Variants in CHSY3 observed in about 807,000 individuals in gnomAD.
CHSY3 encodes the protein N-acetylgalactosaminyl-proteoglycan 3-beta-glucuronosyltransferase 3.
Under a neutral mutation model 67.2 loss-of-function variants are expected in CHSY3, and 35 were observed. The ratio of observed to expected loss-of-function variants is 0.52; its 90% CI spans 0.40 to 0.69. The LOEUF (loss-of-function observed/expected upper bound fraction) is 0.69. CHSY3 is among the 30% of genes least tolerant of loss of function. CHSY3 has a pLI of 0.00. For synonymous variants in CHSY3, 474 were observed against 434.7 expected, an observed-to-expected ratio of 1.09 and a Z score of -1.12; for missense variants, 1,069 against 1,138.5, an observed-to-expected ratio of 0.94 and a Z score of 0.88.
chr5:130,170,325 T>G (rs1769864840), intron 2 of CHSY3, among the ~76,000 whole-genome samples: 1 of 152,146 alleles, frequency 6.6e-6, no homozygotes, highest in Non-Finnish European at 1.5e-5. Flanking sequence ...TTCATTCTTT[T>G]TTATAATTGC....
chr5:130,011,132 G>A (rs1409089616), intron 2 of CHSY3, among the ~76,000 whole-genome samples: 3 of 152,082 alleles, frequency 2.0e-5, no homozygotes, highest in Non-Finnish European at 4.4e-5. Context: ...TCTGAAGCCA[G>A]TATCACTATG....
At chr5:130,158,989 C>T (rs937036635) in intron 2 of CHSY3, among the ~76,000 whole-genome samples, 10 of 151,832 alleles carry the variant, frequency 6.6e-5, no homozygotes, top group Admixed American at 6.6e-4. Flanking sequence ...TTTGTAGAGA[C>T]GCAGTTTCAC....
At chr5:129,946,728 G>C (rs1761865736) in intron 2 of CHSY3, among the ~76,000 whole-genome samples, 1 of 152,012 alleles carries the variant, frequency 6.6e-6, no homozygotes, top group African/African-American at 2.4e-5. Context: ...ATGTCCTCCA[G>C]GTTCATCCAT....
intron 2 of CHSY3, among the ~76,000 whole-genome samples, chr5:130,180,658 G>A (rs1431299397): frequency 6.6e-6 from 1 of 151,798 alleles, no homozygotes; most frequent in Admixed American, 6.6e-5. Flanking sequence ...TCCAAGACCA[G>A]CCTAGGCAAC....
chr5:130,050,251 A>G (rs1367387706), intron 2 of CHSY3, among the ~76,000 whole-genome samples: 1 of 152,098 alleles, frequency 6.6e-6, no homozygotes, highest in African/African-American at 2.4e-5. Context: ...CTTCTATCTC[A>G]CGTTAAAAGA....
intron 2 of CHSY3, among the ~76,000 whole-genome samples, chr5:130,036,344 T>G (rs541598434): frequency 6.6e-6 from 1 of 152,166 alleles, no homozygotes; most frequent in African/African-American, 2.4e-5. Context: ...TTTCCTAGTA[T>G]ATCTCTTCCA....
intron 2 of CHSY3, among the ~76,000 whole-genome samples, chr5:129,921,240 G>A (rs1437912849): frequency 6.6e-6 from 1 of 152,112 alleles, no homozygotes; most frequent in Non-Finnish European, 1.5e-5. Flanking sequence ...CCGTTATTAA[G>A]TAAAACATGT....
chr5:130,103,299 G>T (rs185972771), intron 2 of CHSY3, among the ~76,000 whole-genome samples: 1 of 151,918 alleles, frequency 6.6e-6, no homozygotes, highest in Non-Finnish European at 1.5e-5. Context: ...AGAAGTAAAG[G>T]GATCTGTGGA....
intron 2 of CHSY3, among the ~76,000 whole-genome samples, chr5:130,072,333 TGA>T (rs1766101882): frequency 6.6e-6 from 1 of 152,132 alleles, no homozygotes; most frequent in South Asian, 2.1e-4. Context: ...TTGTGTGATG[TGA>T]GAAAATATTT....
At chr5:130,146,840 C>A (rs1286214493) in intron 2 of CHSY3, among the ~76,000 whole-genome samples, 6 of 152,050 alleles carry the variant, frequency 3.9e-5, no homozygotes, top group Non-Finnish European at 8.8e-5. Context: ...TTTGCCCAGG[C>A]TGGAGTGCAA....
At chr5:130,086,449 T>A (rs951854625) in intron 2 of CHSY3, among the ~76,000 whole-genome samples, 1 of 152,088 alleles carries the variant, frequency 6.6e-6, no homozygotes, top group African/African-American at 2.4e-5. Flanking sequence ...CTTTTTTTGT[T>A]TTCCATTTGC....
chr5:130,181,442 C>T (rs1770240258), intron 2 of CHSY3, among the ~76,000 whole-genome samples: 1 of 152,088 alleles, frequency 6.6e-6, no homozygotes, highest in Admixed American at 6.6e-5. Context: ...GGGAAAATCT[C>T]TCTGATATCT....
chr5:130,055,280 A>T (rs1765493426), intron 2 of CHSY3, among the ~76,000 whole-genome samples: 1 of 41,158 alleles, frequency 2.4e-5, no homozygotes, highest in African/African-American at 9.0e-5. Context: ...TGCCCCTTGT[A>T]AAAAAAAAAA....
intron 2 of CHSY3, among the ~76,000 whole-genome samples, chr5:129,912,658 C>T (rs1760604948): frequency 1.3e-5 from 2 of 152,130 alleles, no homozygotes; most frequent in Admixed American, 6.5e-5. Context: ...TTAATGTGCT[C>T]ATATAGGCCA....
intron 2 of CHSY3, among the ~76,000 whole-genome samples, chr5:129,970,119 A>G (rs1164970914): frequency 1.3e-5 from 2 of 151,840 alleles, no homozygotes; most frequent in East Asian, 3.9e-4. Context: ...TTACTACTAC[A>G]TTTAATGTAG....
intron 2 of CHSY3, among the ~76,000 whole-genome samples, chr5:130,143,104 T>C (rs1473812066): frequency 6.6e-6 from 1 of 152,110 alleles, no homozygotes; most frequent in Non-Finnish European, 1.5e-5. Flanking sequence ...AAAAAATAAA[T>C]CCTTAATTAC....
At chr5:130,073,213 CT>C (rs1766142104) in intron 2 of CHSY3, among the ~76,000 whole-genome samples, 1 of 151,902 alleles carries the variant, frequency 6.6e-6, no homozygotes, top group South Asian at 2.1e-4. Context: ...TTGATTCAGT[CT>C]TTTTACAATG....
chr5:129,941,498 T>C (rs1288150512), intron 2 of CHSY3, among the ~76,000 whole-genome samples: 1 of 152,162 alleles, frequency 6.6e-6, no homozygotes, highest in Non-Finnish European at 1.5e-5. Context: ...TGTTTCTTGG[T>C]ATAAGTGGAA....
intron 2 of CHSY3, among the ~76,000 whole-genome samples, chr5:130,159,161 C>CTTTTTTTT (rs33919002): frequency 1.5e-4 from 15 of 98,698 alleles, no homozygotes; most frequent in Non-Finnish European, 1.8e-4. Context: ...TAAGATTTGT[C>CTTTTTTTT]TTTTTTTTTT....
Sources: gnomAD v4.1 joint callset for allele counts (sites outside exome capture counted in the v4.1 genomes callset) on GRCh38, gnomAD v4.1.1 for gene constraint, MANE v1.5 for transcripts, NCBI Gene and HGNC (gene_info 2026-07-23, HGNC 2026-07-21) for gene names.